The following HMBOX1 variants were observed in gnomAD, a reference collection of about 807,000 sequenced individuals.
HMBOX1 encodes homeobox containing 1, also known as homeobox-containing protein 1.
HMBOX1 carries 14 observed loss-of-function variants against 54.5 expected under a neutral mutation model. That is an observed-to-expected ratio of 0.26 (90% CI 0.17 to 0.40). The LOEUF (loss-of-function observed/expected upper bound fraction) is 0.40, where lower values mean the gene tolerates loss of function less well. Ranked by LOEUF, HMBOX1 falls within the 10% of genes least tolerant of loss-of-function variation. The probability of loss-of-function intolerance (pLI) is 1.00; values close to 1 mark genes in which losing one functional copy is unlikely to be tolerated. For missense variants in HMBOX1, 332 were observed against 514.4 expected, an observed-to-expected ratio of 0.65 and a Z score of 3.43; for synonymous variants, 160 against 181.0, an observed-to-expected ratio of 0.88 and a Z score of 0.93.
At chr8:29,043,944 T>C (rs1056554965) in intron 6 of HMBOX1, among the ~76,000 whole-genome samples, 4 of 152,052 alleles carry the variant, frequency 2.6e-5, no homozygotes, top group African/African-American at 9.7e-5. Flanking sequence ...CAGAAGACCA[T>C]GGTGGAGGGT....
Position 29,045,415 on chromosome 8 carries a change from C to T in HMBOX1, c.906C>T (p.Asn302=), listed in dbSNP as rs780944830. The T allele has an allele frequency of 6.2e-6, 10 of 1,614,012 alleles. No individual in the cohort carries two copies. Among genetic ancestry groups the T allele is most frequent in the African/African-American group, 4.0e-5 (3 of 74,940 alleles). The change falls in exon 7 of 10, where the codon AAC becomes AAT. Residue 302 remains asparagine (N), a synonymous_variant. Coordinates refer to ENST00000287701, the MANE Select transcript of HMBOX1 (RefSeq NM_001135726.3). ...AAGCAAAGAGGGAAGAAATTGCAAA[C>T]GCTTGCAATGCAGTTATACAGAAGC... ...PDEAKREEIA[N]ACNAVIQKPG... is the part of the protein sequence containing the mutation.
At chr8:28,981,069 T>C (rs1586251668) in intron 4 of HMBOX1, among the ~76,000 whole-genome samples, 1 of 152,270 alleles carries the variant, frequency 6.6e-6, no homozygotes, top group Non-Finnish European at 1.5e-5. Context: ...TTTAAAGATA[T>C]TATTTCTGTT....
chr8:29,027,943 T>C (rs1343596701), intron 6 of HMBOX1, among the ~76,000 whole-genome samples: 1 of 152,224 alleles, frequency 6.6e-6, no homozygotes, highest in Non-Finnish European at 1.5e-5. Context: ...ATTGAATGTG[T>C]TTTTGTTATT....
intron 4 of HMBOX1, among the ~76,000 whole-genome samples, chr8:28,999,779 ATTT>A (rs1832369999): frequency 1.3e-5 from 2 of 151,884 alleles, no homozygotes; most frequent in African/African-American, 4.8e-5. Context: ...TTGGTAAGGC[ATTT>A]TTCTCATACT....
At chr8:28,989,085 C>T (rs1158410027) in intron 4 of HMBOX1, among the ~76,000 whole-genome samples, 1 of 152,000 alleles carries the variant, frequency 6.6e-6, no homozygotes, top group African/African-American at 2.4e-5. Flanking sequence ...CCAGCCTGAC[C>T]AACATGGTGA....
At chr8:28,903,870 GGGAC>G (rs1157291400) in intron 1 of HMBOX1, among the ~76,000 whole-genome samples, 1 of 152,200 alleles carries the variant, frequency 6.6e-6, no homozygotes, top group Non-Finnish European at 1.5e-5. Flanking sequence ...TTACCCTCCA[GGGAC>G]ATTTTGCAAC....
chr8:28,934,657 G>A (rs775625030), intron 1 of HMBOX1, among the ~76,000 whole-genome samples: 49 of 152,176 alleles, frequency 3.2e-4, no homozygotes, highest in Non-Finnish European at 6.6e-4. Flanking sequence ...CGGGCGCGGT[G>A]GCTCACGCCT....
At chr8:28,897,418 G>A (rs368462662) in intron 1 of HMBOX1, among the ~76,000 whole-genome samples, 1 of 151,932 alleles carries the variant, frequency 6.6e-6, no homozygotes, top group Admixed American at 6.6e-5. Context: ...GGCTCATGCC[G>A]GTAATCCCGG....
At chr8:28,943,884 A>G (rs147898048) in intron 1 of HMBOX1, among the ~76,000 whole-genome samples, 1 of 152,220 alleles carries the variant, frequency 6.6e-6, no homozygotes, top group African/African-American at 2.4e-5. Flanking sequence ...TTCTGTAAAA[A>G]CAGAAGCCTC....
chr8:29,048,418 C>G (rs1004065429), intron 8 of HMBOX1: 2 of 152,066 alleles, frequency 1.3e-5, no homozygotes, highest in African/African-American at 4.8e-5. Context: ...GGATTTGTTC[C>G]CATTCAAAAC....
At chr8:29,045,339 T>C in intron 6 of HMBOX1, 22 bp from the exon 7 acceptor site, 1 of 1,593,630 alleles carries the variant, frequency 6.3e-7, no homozygotes, top group Non-Finnish European at 8.6e-7. Context: ...AAACTTTGTG[T>C]CTGTATCGGT....
At chr8:28,927,038 ATAGT>A (rs1386572817) in intron 1 of HMBOX1, among the ~76,000 whole-genome samples, 3 of 152,232 alleles carry the variant, frequency 2.0e-5, no homozygotes, top group South Asian at 2.1e-4. Flanking sequence ...TACTAAAAAA[ATAGT>A]TAGAAAGAAT....
intron 2 of HMBOX1, among the ~76,000 whole-genome samples, chr8:28,966,758 T>C (rs1045939457): frequency 2.0e-5 from 3 of 152,236 alleles, no homozygotes; most frequent in African/African-American, 4.8e-5. Flanking sequence ...TTGATCCTGT[T>C]TGTTATGCTC....
intron 6 of HMBOX1, among the ~76,000 whole-genome samples, chr8:29,030,016 C>CA (rs1440504952): frequency 1.3e-4 from 19 of 151,748 alleles, no homozygotes; most frequent in Non-Finnish European, 2.9e-5. Context: ...TTTAGTTTGC[C>CA]AAAAAGACTT....
intron 1 of HMBOX1, among the ~76,000 whole-genome samples, chr8:28,904,184 A>G (rs1024684043): frequency 6.6e-6 from 1 of 151,864 alleles, no homozygotes; most frequent in Non-Finnish European, 1.5e-5. Context: ...TTTTAAATGG[A>G]GGAAGACCTT....
chr8:28,982,381 A>T (rs551157740), intron 4 of HMBOX1, among the ~76,000 whole-genome samples: 1 of 152,114 alleles, frequency 6.6e-6, no homozygotes, highest in Non-Finnish European at 1.5e-5. Flanking sequence ...GTGGATTGGC[A>T]TTACCTCACT....
chr8:29,019,246 T>C (rs1350369023), intron 6 of HMBOX1, among the ~76,000 whole-genome samples: 1 of 152,224 alleles, frequency 6.6e-6, no homozygotes, highest in Non-Finnish European at 1.5e-5. Context: ...TCAAAAATAA[T>C]GAATAATTGT....
At chr8:29,027,782 A>G (rs556893202) in intron 6 of HMBOX1, among the ~76,000 whole-genome samples, 2 of 152,210 alleles carry the variant, frequency 1.3e-5, no homozygotes, top group African/African-American at 2.4e-5. Flanking sequence ...ACTGATTGCT[A>G]TAATTTTTAA....
intron 7 of HMBOX1, among the ~76,000 whole-genome samples, chr8:29,046,067 C>T (rs1000609649): frequency 6.6e-6 from 1 of 152,186 alleles, no homozygotes; most frequent in African/African-American, 2.4e-5. Context: ...TAAACATAAA[C>T]CATTTTCAGT....
Sources: gnomAD v4.1 joint callset for allele counts (sites outside exome capture counted in the v4.1 genomes callset) on GRCh38, gnomAD v4.1.1 for gene constraint, MANE v1.5 for transcripts, NCBI Gene and HGNC (gene_info 2026-07-23, HGNC 2026-07-21) for gene names.